CRYBA4: variants seen among roughly 807,000 people sequenced by gnomAD.
The protein encoded by CRYBA4 is crystallin beta A4, also known as beta-crystallin A4.
In CRYBA4, 30 loss-of-function variants were observed where a neutral mutation model predicts 31.7. The ratio of observed to expected loss-of-function variants is 0.95; its 90% confidence interval spans 0.71 to 1.28. CRYBA4 has a LOEUF of 1.28. CRYBA4 is among the 50% of genes most tolerant of loss of function. CRYBA4 has a pLI of 0.00. For missense variants in CRYBA4, 225 were observed against 260.7 expected, an observed-to-expected ratio of 0.86 and a Z score of 0.94; for synonymous variants, 102 against 102.3, an observed-to-expected ratio of 1.00 and a Z score of 0.02.
chr22:26,630,017 C>T (rs1437022915), intron 5 of CRYBA4, among the ~76,000 whole-genome samples: 2 of 152,204 alleles, frequency 1.3e-5, no homozygotes, highest in African/African-American at 2.4e-5. Context: ...TGAAAACTAT[C>T]GAATTACATG....
the CRYBA4 span, among the ~76,000 whole-genome samples, chr22:26,604,152 CG>C: frequency 0.96 from 146,737 of 152,220 alleles, 70,771 homozygotes; most frequent in East Asian, 1. Context: ...AGAGTGATGC[CG>C]GACCTCAGTG....
At chr22:26,626,100 G>T (rs540008799) in intron 4 of CRYBA4, among the ~76,000 whole-genome samples, 108 of 152,254 alleles carry the variant, frequency 7.1e-4, no homozygotes, top group African/African-American at 2.6e-3. Context: ...AAACATTGAG[G>T]CTCAGAAAGG....
intron 2 of CRYBA4, among the ~76,000 whole-genome samples, 191 bp from the exon 3 acceptor site, chr22:26,623,043 G>T (rs1929582563): frequency 6.6e-6 from 1 of 152,192 alleles, no homozygotes; most frequent in South Asian, 2.1e-4. Context: ...ACTGGGAAGA[G>T]GCCACCCATT....
chr22:26,622,085 T>C (rs16982456), intron 1 of CRYBA4, 99 bp downstream of exon 1: 16,404 of 512,900 alleles, frequency 0.032, 317 homozygotes, highest in East Asian at 0.093. Context: ...TGTCACTGTG[T>C]CATCCTGAAT....
intron 4 of CRYBA4, among the ~76,000 whole-genome samples, chr22:26,627,359 C>CCCTCCCTCCCTTCTTTCTTT (rs1404229613): frequency 2.1e-4 from 9 of 41,862 alleles, no homozygotes; most frequent in East Asian, 1.1e-3. Context: ...CTCCCTCCCT[C>CCCTCCCTCCCTTCTTTCTTT]CTTTCTTTCT....
the CRYBA4 span, chr22:26,601,863 C>A: frequency 3.1e-6 from 5 of 1,611,754 alleles, no homozygotes; most frequent in African/African-American, 5.3e-5. Flanking sequence ...GCGGACCTGG[C>A]AGGAGGGATG....
chr22:26,620,820 C>T (rs978188651), upstream of CRYBA4, among the ~76,000 whole-genome samples: 1 of 152,166 alleles, frequency 6.6e-6, no homozygotes, highest in Non-Finnish European at 1.5e-5. Flanking sequence ...ACCTCGGCCT[C>T]CCAAAGTGCT....
upstream of CRYBA4, among the ~76,000 whole-genome samples, chr22:26,619,621 C>T (rs1030825726): frequency 1.4e-4 from 22 of 152,198 alleles, no homozygotes; most frequent in African/African-American, 4.1e-4. Flanking sequence ...GCCAGCTTTG[C>T]CTCTGTCCCT....
At chr22:26,601,212 C>T in the CRYBA4 span, among the ~76,000 whole-genome samples, 1 of 152,190 alleles carries the variant, frequency 6.6e-6, no homozygotes, top group Non-Finnish European at 1.5e-5. Flanking sequence ...TCAAGGGTGT[C>T]TGGCATGGTC....
At chr22:26,619,380 G>A (rs377681530), upstream of CRYBA4, among the ~76,000 whole-genome samples, 11 of 152,126 alleles carry the variant, frequency 7.2e-5, no homozygotes, top group Non-Finnish European at 1.5e-4. Context: ...TGGAGAAACC[G>A]AGGCCCAGGT....
chr22:26,599,481 G>A, the CRYBA4 span: 4 of 1,608,794 alleles, frequency 2.5e-6, no homozygotes, highest in African/African-American at 4.0e-5. Context: ...AGCAGAGTGA[G>A]GTGTGGACTC....
At position 26,628,348 on chromosome 22, in the gene CRYBA4, G is replaced by C. The variant is rs1929814455; in HGVS notation, c.361G>C (p.Glu121Gln). 1.4e-5 allele frequency: 22 copies of C among 1,613,922 alleles called. No individual in the cohort carries two copies. Among genetic ancestry groups the C allele is most frequent in the Non-Finnish European group, 1.9e-5 (22 of 1,180,014 alleles). ...AGAGAACTTCCTGGGCAAGAAAGGA[G>C]AGCTGAGCGATGACTATCCTTCCCT... ...EQENFLGKKG[E>Q]LSDDYPSLQA... Residue 121 changes from glutamate to glutamine, a missense_variant, in exon 5 of 6, where the codon GAG becomes CAG. Coordinates refer to ENST00000354760, the MANE Select transcript of CRYBA4 (RefSeq NM_001886.3).
At chr22:26,630,106 A>G in intron 5 of CRYBA4, among the ~76,000 whole-genome samples, 1 of 152,260 alleles carries the variant, frequency 6.6e-6, no homozygotes, top group Non-Finnish European at 1.5e-5. Flanking sequence ...AAGATGAGCC[A>G]TGAAGGACAA....
At chr22:26,592,139 G>C in the CRYBA4 span, among the ~76,000 whole-genome samples, 1 of 152,198 alleles carries the variant, frequency 6.6e-6, no homozygotes, top group Non-Finnish European at 1.5e-5. Context: ...TTGCGTGCAT[G>C]TTAGAGACTT....
chr22:26,607,950 C>A, the CRYBA4 span: 1 of 1,614,216 alleles, frequency 6.2e-7, no homozygotes, highest in Non-Finnish European at 8.5e-7. Flanking sequence ...CCATGTGTTC[C>A]AGCGAGGGTA....
At chr22:26,625,797 G>A (rs1929685963) in intron 4 of CRYBA4, among the ~76,000 whole-genome samples, 175 bp downstream of exon 4, 1 of 152,218 alleles carries the variant, frequency 6.6e-6, no homozygotes. Context: ...TGGGGCAATA[G>A]TACCAATGTT....
chr22:26,612,423 C>T, the CRYBA4 span, among the ~76,000 whole-genome samples: 2 of 152,128 alleles, frequency 1.3e-5, no homozygotes, highest in Non-Finnish European at 1.5e-5. Flanking sequence ...AGTTCAGTGG[C>T]GCAATCATGG....
the CRYBA4 span, chr22:26,601,953 CT>C: frequency 2.5e-6 from 4 of 1,613,596 alleles, no homozygotes; most frequent in East Asian, 6.7e-5. Flanking sequence ...CGTCGTCCCC[CT>C]GGATCTCTAT....
chr22:26,595,936 C>G, the CRYBA4 span, among the ~76,000 whole-genome samples: 1 of 150,622 alleles, frequency 6.6e-6, no homozygotes, highest in Non-Finnish European at 1.5e-5. Flanking sequence ...CTGCACCCAG[C>G]TTATTTTTTA....
Sources: allele counts gnomAD v4.1 joint callset (sites outside exome capture counted in the v4.1 genomes callset), GRCh38; gene constraint gnomAD v4.1.1; transcripts MANE v1.5; gene names NCBI Gene and HGNC (gene_info 2026-07-23, HGNC 2026-07-21).